The following SOHLH2 variants were observed in gnomAD, a reference collection of about 807,000 sequenced individuals.
SOHLH2 encodes spermatogenesis and oogenesis specific basic helix-loop-helix 2, also known as spermatogenesis- and oogenesis-specific basic helix-loop-helix-containing protein 2.
SOHLH2 carries 22 observed loss-of-function variants against 50.4 expected under a neutral mutation model. That is an observed-to-expected ratio of 0.44 (90% confidence interval 0.31 to 0.62). The LOEUF (loss-of-function observed/expected upper bound fraction) is 0.62. Ranked by LOEUF, SOHLH2 falls within the 20% of genes least tolerant of loss-of-function variation. SOHLH2 has a pLI of 0.08. For missense variants in SOHLH2, 412 were observed against 504.4 expected (o/e 0.82, Z 1.76); for synonymous variants, 185 against 187.3 (o/e 0.99, Z 0.10).
chr13:36,214,425 G>A (rs908449550), intron 1 of SOHLH2, 54 bp downstream of exon 1: 13 of 1,587,184 alleles, frequency 8.2e-6, no homozygotes, highest in Non-Finnish European at 1.0e-5. Context: ...CACCGACCTA[G>A]GGCCCGCCCG....
rs1886936786 is a variant in SOHLH2, at chr13:36,170,615, T to C, written c.1173A>G (p.Ser391=). 6.2e-7 allele frequency: 1 copy of C among 1,614,152 alleles called. No individual in the cohort carries two copies. The change falls in exon 10 of 11, where the codon TCA becomes TCG. Residue 391 remains serine (S), a synonymous_variant. Transcript: ENST00000379881. ...TNQNISIHLP[S]AMPPVSKLLP... ...GAAGCTTTGAGACCGGGGGCATGGC[T>C]GAAGGTAAATGAATTGAAATGTTCT...
At chr13:36,182,264 T>G (rs1173109955) in intron 6 of SOHLH2, 1 of 985,442 alleles carries the variant, frequency 1.0e-6, no homozygotes, top group East Asian at 1.1e-4. Flanking sequence ...AAGAGCCTGT[T>G]CTACTGCAAA....
intron 1 of SOHLH2, among the ~76,000 whole-genome samples, chr13:36,206,128 CTATT>C (rs989279787): frequency 2.6e-5 from 4 of 151,960 alleles, no homozygotes; most frequent in Non-Finnish European, 5.9e-5. Flanking sequence ...CCACATGCGG[CTATT>C]TAAACTTATG....
At chr13:36,200,460 T>C (rs1483278145) in intron 2 of SOHLH2, among the ~76,000 whole-genome samples, 2 of 152,194 alleles carry the variant, frequency 1.3e-5, no homozygotes, top group African/African-American at 4.8e-5. Flanking sequence ...CTTGATGGCT[T>C]GGGCTTCTCA....
At chr13:36,169,108 C>A in intron 10 of SOHLH2, 54 bp from the exon 11 acceptor site, 1 of 1,572,010 alleles carries the variant, frequency 6.4e-7, no homozygotes. Context: ...CACTCTTACT[C>A]ATAATGTCAT....
In SOHLH2 at chr13:36,193,696, C is replaced by G; in HGVS notation, c.355G>C (p.Ala119Pro). 6.2e-7 allele frequency: 1 copy of G among 1,613,038 alleles called. No homozygotes were observed. The change falls in exon 4 of 11, where the codon GCT becomes CCT. Residue 119 changes from alanine (A) to proline (P), a missense_variant. Coordinates refer to ENST00000379881, the MANE Select transcript of SOHLH2 (RefSeq NM_017826.3). ...GCISGHGMDI[A>P]LTEPLTMEKM... Reference sequence around the variant, plus strand: ...TCCATTGTCAGTGGTTCAGTTAAAGCAATATCCATTCCATGCCCTGAAATA... The same window carrying G: ...TCCATTGTCAGTGGTTCAGTTAAAGGAATATCCATTCCATGCCCTGAAATA...
intron 1 of SOHLH2, among the ~76,000 whole-genome samples, chr13:36,211,708 T>C (rs1370617127): frequency 6.6e-6 from 1 of 152,208 alleles, no homozygotes; most frequent in Non-Finnish European, 1.5e-5. Flanking sequence ...GTCTGAAGGA[T>C]CAAAATGCTT....
chr13:36,177,995 T>C (rs1887138855), intron 6 of SOHLH2, among the ~76,000 whole-genome samples: 1 of 152,014 alleles, frequency 6.6e-6, no homozygotes, highest in South Asian at 2.1e-4. Flanking sequence ...TACTCTCAGC[T>C]CATGAAGACA....
intron 8 of SOHLH2, 67 bp from the exon 9 acceptor site, chr13:36,173,877 A>T: frequency 6.4e-7 from 1 of 1,564,136 alleles, no homozygotes; most frequent in Non-Finnish European, 8.7e-7. Context: ...TGCTGAGTTC[A>T]ATTGCCCTTT....
At chr13:36,169,094 C>T in intron 10 of SOHLH2, 40 bp from the exon 11 acceptor site, 1 of 1,595,414 alleles carries the variant, frequency 6.3e-7, no homozygotes, top group Non-Finnish European at 8.5e-7. Flanking sequence ...ATTGAATCCT[C>T]ACCCACTCTT....
intron 9 of SOHLH2, among the ~76,000 whole-genome samples, chr13:36,173,412 C>T (rs1434092795): frequency 1.3e-5 from 2 of 152,158 alleles, no homozygotes; most frequent in African/African-American, 4.8e-5. Flanking sequence ...CTTCCCCTCC[C>T]CTGAGATTCT....
chr13:36,178,054 G>A (rs887807477), intron 6 of SOHLH2, among the ~76,000 whole-genome samples: 4 of 151,582 alleles, frequency 2.6e-5, no homozygotes, highest in South Asian at 2.1e-4. Context: ...GTCAATAGAC[G>A]TGAGTCTATT....
intron 6 of SOHLH2, among the ~76,000 whole-genome samples, chr13:36,176,548 A>T (rs956687017): frequency 1.3e-5 from 2 of 152,142 alleles, no homozygotes; most frequent in Non-Finnish European, 2.9e-5. Flanking sequence ...ATAATAAGAT[A>T]GCTTGGGGAT....
chr13:36,181,358 A>T (rs1015566499), intron 6 of SOHLH2, among the ~76,000 whole-genome samples: 2 of 152,078 alleles, frequency 1.3e-5, no homozygotes, highest in Non-Finnish European at 2.9e-5. Flanking sequence ...AAGGTCTACC[A>T]TACCTTTTTT....
chr13:36,179,136 T>G (rs1887178547), intron 6 of SOHLH2, among the ~76,000 whole-genome samples: 1 of 152,208 alleles, frequency 6.6e-6, no homozygotes, highest in African/African-American at 2.4e-5. Flanking sequence ...GGATTATTTA[T>G]TTGATAATGA....
intron 1 of SOHLH2, among the ~76,000 whole-genome samples, chr13:36,204,152 T>C (rs1186520389): frequency 2.6e-5 from 4 of 152,180 alleles, no homozygotes; most frequent in African/African-American, 9.6e-5. Context: ...GGTTTCACCA[T>C]GTTGGCCAGG....
At chr13:36,198,026 T>C (rs1671960667) in intron 2 of SOHLH2, among the ~76,000 whole-genome samples, 1 of 152,240 alleles carries the variant, frequency 6.6e-6, no homozygotes, top group African/African-American at 2.4e-5. Flanking sequence ...CAAGGATGTC[T>C]TGGAGACATA....
chr13:36,205,210 C>G (rs749869390), intron 1 of SOHLH2, among the ~76,000 whole-genome samples: 1 of 152,152 alleles, frequency 6.6e-6, no homozygotes, highest in African/African-American at 2.4e-5. Flanking sequence ...AATCCTACCG[C>G]CTTCAAAAAA....
At chr13:36,181,059 G>C (rs1367710607) in intron 6 of SOHLH2, among the ~76,000 whole-genome samples, 1 of 152,056 alleles carries the variant, frequency 6.6e-6, no homozygotes, top group African/African-American at 2.4e-5. Flanking sequence ...CTTATCACAT[G>C]CTATTTGTGA....
Sources: allele counts gnomAD v4.1 joint callset (sites outside exome capture counted in the v4.1 genomes callset), GRCh38; gene constraint gnomAD v4.1.1; transcripts MANE v1.5; gene names NCBI Gene and HGNC (gene_info 2026-07-23, HGNC 2026-07-21).